The following NCAM2 variants were observed in gnomAD, a reference collection of about 807,000 sequenced individuals.
The protein encoded by NCAM2 is neural cell adhesion molecule 2, also known as N-CAM-2.
NCAM2 carries 30 observed loss-of-function variants against 98.1 expected under a neutral mutation model. The observed-to-expected ratio is 0.31, with a 90% CI of 0.23 to 0.41. The LOEUF (loss-of-function observed/expected upper bound fraction) is 0.41. Ranked by LOEUF, NCAM2 falls within the 10% of genes least tolerant of loss-of-function variation. The pLI is 1.00. For missense variants in NCAM2, 867 were observed against 1,005.8 expected (o/e 0.86, Z 1.87); for synonymous variants, 368 against 342.4 (o/e 1.07, Z -0.83).
intron 8 of NCAM2, among the ~76,000 whole-genome samples, chr21:21,350,114 C>A (rs1444344980): frequency 6.6e-6 from 1 of 151,864 alleles, no homozygotes; most frequent in Non-Finnish European, 1.5e-5. Context: ...GGAATGAATA[C>A]CCCATTTTCT....
intron 1 of NCAM2, among the ~76,000 whole-genome samples, chr21:21,232,094 A>G (rs1428531290): frequency 2.6e-5 from 4 of 151,444 alleles, no homozygotes; most frequent in African/African-American, 4.8e-5. Flanking sequence ...GTTATCTTGC[A>G]GGAAGGGTGA....
intron 1 of NCAM2, among the ~76,000 whole-genome samples, chr21:21,059,431 T>A (rs748962912): frequency 1.2e-4 from 18 of 152,108 alleles, no homozygotes; most frequent in Non-Finnish European, 2.2e-4. Context: ...AAATTAATAT[T>A]TAACTCTAGA....
chr21:21,342,196 C>G (rs1271805676), intron 8 of NCAM2, among the ~76,000 whole-genome samples: 1 of 152,166 alleles, frequency 6.6e-6, no homozygotes, highest in Non-Finnish European at 1.5e-5. Context: ...ACATAACTAT[C>G]TCAGTTTATC....
intron 9 of NCAM2, among the ~76,000 whole-genome samples, chr21:21,392,020 CTG>C (rs2076392300): frequency 6.6e-6 from 1 of 152,102 alleles, no homozygotes; most frequent in Admixed American, 6.6e-5. Context: ...GTTTGTGTGT[CTG>C]TGTGTGTACA....
At chr21:21,033,582 G>A (rs947178399) in intron 1 of NCAM2, among the ~76,000 whole-genome samples, 18 of 152,006 alleles carry the variant, frequency 1.2e-4, no homozygotes, top group Non-Finnish European at 1.6e-4. Context: ...AAACAATGGC[G>A]TGAGACCAAG....
chr21:21,341,122 T>C (rs1412273879), intron 8 of NCAM2, among the ~76,000 whole-genome samples: 1 of 152,090 alleles, frequency 6.6e-6, no homozygotes, highest in East Asian at 1.9e-4. Flanking sequence ...AAATTACATA[T>C]GAGAATGGTC....
chr21:21,288,476 C>T (rs2826767), intron 4 of NCAM2, among the ~76,000 whole-genome samples: 31,521 of 148,976 alleles, frequency 0.21, 4,049 homozygotes, highest in Non-Finnish European at 0.29. Context: ...TATAGTTTAA[C>T]GTGAAACATA....
At chr21:21,002,093 G>A (rs2064029774) in intron 1 of NCAM2, among the ~76,000 whole-genome samples, 1 of 151,938 alleles carries the variant, frequency 6.6e-6, no homozygotes, top group Non-Finnish European at 1.5e-5. Context: ...AAATCGACTG[G>A]GTCTTCTTTT....
chr21:21,453,093 T>A (rs1475222939), intron 12 of NCAM2, among the ~76,000 whole-genome samples: 2 of 128,784 alleles, frequency 1.6e-5, no homozygotes, highest in African/African-American at 5.9e-5. Flanking sequence ...ATTTAATATA[T>A]TATATTAAAT....
chr21:21,411,037 C>CATGT (rs1555889822), intron 10 of NCAM2, among the ~76,000 whole-genome samples: 1 of 53,298 alleles, frequency 1.9e-5, no homozygotes, highest in African/African-American at 8.0e-5. Context: ...TATATACACA[C>CATGT]ATATATATAT....
At chr21:21,206,742 T>A (rs924439122) in intron 1 of NCAM2, among the ~76,000 whole-genome samples, 2 of 152,186 alleles carry the variant, frequency 1.3e-5, no homozygotes, top group Non-Finnish European at 2.9e-5. Context: ...AGTTCTTTGG[T>A]ATAGAAATTG....
chr21:21,235,523 A>G (rs980865707), intron 1 of NCAM2, among the ~76,000 whole-genome samples: 4 of 152,094 alleles, frequency 2.6e-5, no homozygotes, highest in Admixed American at 6.6e-5. Flanking sequence ...CTCCAGAAAT[A>G]CCTAAAATTA....
intron 1 of NCAM2, among the ~76,000 whole-genome samples, chr21:21,106,300 A>G (rs2066344013): frequency 1.5e-5 from 2 of 129,732 alleles, no homozygotes; most frequent in Middle Eastern, 3.6e-3. Context: ...AGAATGAGAG[A>G]CATGTCTCAA....
chr21:21,106,314 CA>C (rs202018731), intron 1 of NCAM2, among the ~76,000 whole-genome samples: 70,225 of 104,542 alleles, frequency 0.67, 23,117 homozygotes, highest in Non-Finnish European at 0.75. Flanking sequence ...GTCTCAAAAG[CA>C]AAAAAAAAAA....
At chr21:21,260,921 TA>T (rs371105381) in intron 1 of NCAM2, among the ~76,000 whole-genome samples, 5 of 151,734 alleles carry the variant, frequency 3.3e-5, no homozygotes, top group South Asian at 2.1e-4. Flanking sequence ...CAAATTGGAT[TA>T]AAAAAAATAC....
At chr21:21,504,202 A>G (rs1018015472) in intron 15 of NCAM2, among the ~76,000 whole-genome samples, 2 of 151,954 alleles carry the variant, frequency 1.3e-5, no homozygotes, top group African/African-American at 4.8e-5. Flanking sequence ...GGAGTTAATT[A>G]GTGATTCACG....
intron 15 of NCAM2, among the ~76,000 whole-genome samples, chr21:21,496,006 A>AAT (rs61570411): frequency 0.23 from 34,239 of 147,418 alleles, 4,052 homozygotes; most frequent in South Asian, 0.31. Flanking sequence ...ATATATATGA[A>AAT]ATATATATAT....
chr21:21,372,292 C>G (rs1488099790), intron 8 of NCAM2, among the ~76,000 whole-genome samples: 1 of 151,596 alleles, frequency 6.6e-6, no homozygotes, highest in Non-Finnish European at 1.5e-5. Context: ...TTTAAATAAG[C>G]AATTCTTAAA....
intron 1 of NCAM2, among the ~76,000 whole-genome samples, chr21:21,064,201 A>C (rs914714203): frequency 6.6e-6 from 1 of 152,334 alleles, no homozygotes; most frequent in South Asian, 2.1e-4. Context: ...GGCAAGGTTC[A>C]TGCCAGCCAC....
Sources: gnomAD v4.1 joint callset for allele counts (sites outside exome capture counted in the v4.1 genomes callset) on GRCh38, gnomAD v4.1.1 for gene constraint, MANE v1.5 for transcripts, NCBI Gene and HGNC (gene_info 2026-07-23, HGNC 2026-07-21) for gene names.